Variants in AOPEP observed in about 807,000 individuals in gnomAD.
AOPEP encodes aminopeptidase O (putative), also known as aminopeptidase O.
AOPEP carries 77 observed loss-of-function variants against 98.1 expected under a neutral mutation model. The observed-to-expected ratio is 0.78, with a 90% CI of 0.65 to 0.95. The LOEUF (loss-of-function observed/expected upper bound fraction) is 0.95, where lower values mean the gene tolerates loss of function less well. AOPEP is among the 40% of genes least tolerant of loss of function. The pLI, the probability that AOPEP is intolerant of heterozygous loss-of-function variation, is 0.00. For missense variants in AOPEP, 1,024 were observed against 1,024.7 expected (o/e 1.00, Z 0.01); for synonymous variants, 346 against 365.3 (o/e 0.95, Z 0.60).
chr9:94,953,192 C>T (rs1268141501), intron 7 of AOPEP, among the ~76,000 whole-genome samples: 2 of 152,150 alleles, frequency 1.3e-5, no homozygotes, highest in Non-Finnish European at 2.9e-5. Context: ...GGCTTTCTTA[C>T]AAAAACATTG....
chr9:95,056,458 C>G (rs1393835540), intron 13 of AOPEP: 1 of 152,330 alleles, frequency 6.6e-6, no homozygotes, highest in East Asian at 1.9e-4. Flanking sequence ...GGTGAGCTGG[C>G]CTGTTCTGCA....
At chr9:95,043,270 C>CAGATATATATACATATATA (rs1426781093) in intron 13 of AOPEP, among the ~76,000 whole-genome samples, 2 of 17,248 alleles carry the variant, frequency 1.2e-4, no homozygotes, top group Non-Finnish European at 6.7e-4. Context: ...ACATATATAT[C>CAGATATATATACATATATA]TGTATATATG....
intron 5 of AOPEP, among the ~76,000 whole-genome samples, chr9:94,818,806 A>G (rs1349803206): frequency 6.6e-6 from 1 of 152,172 alleles, no homozygotes; most frequent in African/African-American, 2.4e-5. Context: ...CATCCTGGCT[A>G]ACACAGTGAA....
chr9:94,765,243 A>C (rs1839282462), intron 2 of AOPEP, among the ~76,000 whole-genome samples: 1 of 151,870 alleles, frequency 6.6e-6, no homozygotes, highest in Non-Finnish European at 1.5e-5. Flanking sequence ...GATTATAGGC[A>C]TGAGCCACTG....
intron 13 of AOPEP, among the ~76,000 whole-genome samples, chr9:95,014,205 G>T (rs1294643843): frequency 2.0e-5 from 3 of 152,092 alleles, no homozygotes; most frequent in Non-Finnish European, 2.9e-5. Context: ...GGTGGCTCAC[G>T]CCTGTAATCC....
chr9:95,019,144 G>GTA (rs760323330), intron 13 of AOPEP: 2 of 152,180 alleles, frequency 1.3e-5, no homozygotes, highest in Non-Finnish European at 2.9e-5. Context: ...ACAGCAGCAA[G>GTA]TACAGCAGCA....
intron 2 of AOPEP, among the ~76,000 whole-genome samples, chr9:94,770,563 G>T (rs1588130429): frequency 6.6e-6 from 1 of 152,252 alleles, no homozygotes; most frequent in Middle Eastern, 3.4e-3. Context: ...TTGGCCAAAG[G>T]TCTCTGTTTC....
intron 13 of AOPEP, among the ~76,000 whole-genome samples, chr9:95,036,741 G>C (rs1653722415): frequency 8.5e-6 from 1 of 117,480 alleles, no homozygotes; most frequent in South Asian, 2.8e-4. Context: ...GTTTGTTTCA[G>C]AGGTGGCCAA....
At chr9:94,882,054 C>T (rs1054013540) in intron 5 of AOPEP, among the ~76,000 whole-genome samples, 4 of 152,090 alleles carry the variant, frequency 2.6e-5, no homozygotes, top group Non-Finnish European at 4.4e-5. Flanking sequence ...GCTAGGGAGT[C>T]CTTTACTATG....
intron 13 of AOPEP, among the ~76,000 whole-genome samples, chr9:95,007,795 C>T (rs184994169): frequency 1.3e-5 from 2 of 152,142 alleles, no homozygotes; most frequent in Non-Finnish European, 1.5e-5. Context: ...GCAAAACATG[C>T]GATATTTCCA....
intron 9 of AOPEP, among the ~76,000 whole-genome samples, chr9:94,960,939 G>A (rs1206667412): frequency 1.3e-5 from 2 of 151,848 alleles, no homozygotes; most frequent in African/African-American, 2.4e-5. Flanking sequence ...GTGAACCCGG[G>A]AGGCGGAGCT....
intron 15 of AOPEP, among the ~76,000 whole-genome samples, chr9:95,081,575 C>T (rs1012727038): frequency 4.6e-5 from 7 of 152,182 alleles, no homozygotes; most frequent in Admixed American, 2.0e-4. Flanking sequence ...CCTCATTATT[C>T]CTACAAAGAA....
intron 13 of AOPEP, among the ~76,000 whole-genome samples, chr9:95,046,660 A>G (rs939035644): frequency 6.6e-6 from 1 of 152,182 alleles, no homozygotes; most frequent in Non-Finnish European, 1.5e-5. Flanking sequence ...AACATAGGGA[A>G]GGATAAGTTT....
At chr9:94,819,068 C>T (rs749218868) in intron 5 of AOPEP, among the ~76,000 whole-genome samples, 2 of 152,208 alleles carry the variant, frequency 1.3e-5, no homozygotes, top group Non-Finnish European at 2.9e-5. Flanking sequence ...GGGATCCCAC[C>T]TGGATTAAAC....
chr9:94,974,373 T>C (rs754642533), intron 10 of AOPEP, among the ~76,000 whole-genome samples: 8 of 152,222 alleles, frequency 5.3e-5, no homozygotes, highest in Non-Finnish European at 8.8e-5. Context: ...GTCAGAGTCC[T>C]CCTATGCTCC....
Position 95,082,921 on chromosome 9 carries a change from GGCTGTGGCAGTC to G in AOPEP, c.*4+203_*4+214del, listed in dbSNP as rs1439182805. ...CCCGGGTCCCTGGAGCACCTTGCCT[GGCTGTGGCAGTC>G]ACCGGGAAGCAGAGGCTGTCCACCT... is the stretch of plus-strand genomic sequence containing the variant. On this transcript the variant is annotated intron_variant, in intron 16 of 16. Coordinates refer to ENST00000375315, the MANE Select transcript of AOPEP (RefSeq NM_001193329.3). The G allele has an allele frequency of 4.9e-5, 28 of 568,076 alleles. No homozygotes were observed. The Middle Eastern group carries it at 2.4e-3, about 48-fold the overall frequency. The allele number at this position is 568,076 out of a possible 1,614,324, so 35.2% of individuals were successfully genotyped here.
intron 4 of AOPEP, among the ~76,000 whole-genome samples, chr9:94,796,694 T>C (rs188924178): frequency 6.6e-6 from 1 of 152,352 alleles, no homozygotes; most frequent in Admixed American, 6.5e-5. Context: ...GGTAAAATTA[T>C]AGTAAGAACA....
chr9:95,051,298 C>T (rs1482102912), intron 13 of AOPEP, among the ~76,000 whole-genome samples: 1 of 151,948 alleles, frequency 6.6e-6, no homozygotes, highest in Admixed American at 6.6e-5. Context: ...CCATGTTGGC[C>T]AGGATGGTCT....
intron 11 of AOPEP, among the ~76,000 whole-genome samples, chr9:95,002,897 G>A (rs765130029): frequency 7.2e-5 from 11 of 152,200 alleles, no homozygotes; most frequent in Non-Finnish European, 1.2e-4. Flanking sequence ...GGGGACAAAG[G>A]ACAAACGAGA....
Sources: allele counts gnomAD v4.1 joint callset (sites outside exome capture counted in the v4.1 genomes callset), GRCh38; gene constraint gnomAD v4.1.1; transcripts MANE v1.5; gene names NCBI Gene and HGNC (gene_info 2026-07-23, HGNC 2026-07-21).